CSMD1: variants seen among roughly 807,000 people sequenced by gnomAD.
CSMD1 encodes the protein CUB and Sushi multiple domains 1.
In CSMD1, 213 loss-of-function variants were observed where a neutral mutation model predicts 417.5. The ratio of observed to expected loss-of-function variants is 0.51; its 90% CI spans 0.46 to 0.57. CSMD1 has a LOEUF of 0.57. CSMD1 is among the 20% of genes least tolerant of loss of function. The probability of loss-of-function intolerance (pLI) is 0.00; values close to 1 mark genes in which losing one functional copy is unlikely to be tolerated. For synonymous variants in CSMD1, 2,862 were observed against 1,736.8 expected (o/e 1.65, Z -16.11); for missense variants, 6,923 against 4,529.7 (o/e 1.53, Z -15.17).
chr8:4,414,117 A>C (rs1796798736), intron 3 of CSMD1, among the ~76,000 whole-genome samples: 1 of 152,194 alleles, frequency 6.6e-6, no homozygotes, highest in South Asian at 2.1e-4. Flanking sequence ...TATCACTTCA[A>C]GGGAGAAATA....
intron 3 of CSMD1, among the ~76,000 whole-genome samples, chr8:4,407,467 C>G (rs565646431): frequency 6.6e-6 from 1 of 152,104 alleles, no homozygotes; most frequent in Non-Finnish European, 1.5e-5. Flanking sequence ...TGTTGTAAAA[C>G]GTAATTTTGT....
intron 1 of CSMD1, among the ~76,000 whole-genome samples, chr8:4,761,235 T>C (rs938424777): frequency 8.5e-5 from 13 of 152,136 alleles, no homozygotes; most frequent in African/African-American, 2.9e-4. Context: ...CAGGAGACTA[T>C]GGAACATTCA....
intron 64 of CSMD1, 148 bp downstream of exon 64, chr8:2,955,441 C>A: frequency 1.5e-6 from 1 of 661,864 alleles, no homozygotes; most frequent in Non-Finnish European, 2.6e-6. Flanking sequence ...ACACAGCTCA[C>A]GCACATGAAG....
chr8:3,496,360 G>A (rs762074017), intron 10 of CSMD1, among the ~76,000 whole-genome samples: 9 of 152,088 alleles, frequency 5.9e-5, no homozygotes, highest in Non-Finnish European at 8.8e-5. Context: ...AAGGATTGAG[G>A]GCAGACACCA....
chr8:4,320,669 C>G (rs1217364890), intron 3 of CSMD1, among the ~76,000 whole-genome samples: 1 of 152,090 alleles, frequency 6.6e-6, no homozygotes, highest in Non-Finnish European at 1.5e-5. Context: ...TCATCGATGT[C>G]CTGCAAAGGA....
chr8:3,698,160 C>T (rs1800659876), intron 7 of CSMD1, among the ~76,000 whole-genome samples: 1 of 152,182 alleles, frequency 6.6e-6, no homozygotes. Context: ...ATCTAGACAG[C>T]AGTCCCCTTC....
chr8:4,955,867 C>G (rs942609031), intron 1 of CSMD1, among the ~76,000 whole-genome samples: 1 of 147,062 alleles, frequency 6.8e-6, no homozygotes, highest in South Asian at 2.2e-4. Flanking sequence ...AGTATCTTTC[C>G]CCTCTAGAAA....
At chr8:3,716,931 C>T (rs1167257195) in intron 6 of CSMD1, among the ~76,000 whole-genome samples, 1 of 151,920 alleles carries the variant, frequency 6.6e-6, no homozygotes, top group African/African-American at 2.4e-5. Context: ...TATTTAATTC[C>T]ACCAAAATGT....
intron 1 of CSMD1, among the ~76,000 whole-genome samples, chr8:4,712,641 T>C (rs1473332946): frequency 6.6e-6 from 1 of 152,240 alleles, no homozygotes; most frequent in Non-Finnish European, 1.5e-5. Flanking sequence ...ATTTGCAGCA[T>C]CTTTTTCCTC....
chr8:4,107,589 T>G (rs117955263), intron 3 of CSMD1, among the ~76,000 whole-genome samples: 2 of 152,286 alleles, frequency 1.3e-5, no homozygotes, highest in East Asian at 3.9e-4. Flanking sequence ...AGCAAGCGCT[T>G]TGTGAATAGC....
intron 3 of CSMD1, among the ~76,000 whole-genome samples, chr8:4,227,598 G>C (rs1024194016): frequency 6.6e-6 from 1 of 151,986 alleles, no homozygotes; most frequent in African/African-American, 2.4e-5. Flanking sequence ...CCCGACCTCA[G>C]GATTCCCTGC....
chr8:4,396,948 G>C (rs929560944), intron 3 of CSMD1, among the ~76,000 whole-genome samples: 4 of 151,994 alleles, frequency 2.6e-5, no homozygotes, highest in Admixed American at 6.6e-5. Flanking sequence ...CCTGGGTGAT[G>C]AGTGCACCAA....
intron 1 of CSMD1, among the ~76,000 whole-genome samples, chr8:4,716,817 C>T (rs10503271): frequency 0.046 from 6,979 of 152,180 alleles, 154 homozygotes; most frequent in East Asian, 0.08. Flanking sequence ...CATTTTCAAA[C>T]ATCTCTTAGC....
At chr8:4,385,805 C>T (rs4442167) in intron 3 of CSMD1, among the ~76,000 whole-genome samples, 25,263 of 152,080 alleles carry the variant, frequency 0.17, 2,299 homozygotes, top group Admixed American at 0.24. Context: ...GTTAATGTCT[C>T]ATAGCTTAAA....
chr8:4,511,640 C>T (rs961344053), intron 2 of CSMD1, among the ~76,000 whole-genome samples: 1 of 152,016 alleles, frequency 6.6e-6, no homozygotes, highest in Non-Finnish European at 1.5e-5. Flanking sequence ...GTGATGGTAC[C>T]AGGGCAGAAA....
intron 7 of CSMD1, among the ~76,000 whole-genome samples, chr8:3,667,490 G>C (rs571215593): frequency 6.6e-6 from 1 of 152,182 alleles, no homozygotes; most frequent in African/African-American, 2.4e-5. Context: ...TGCAGGGCCA[G>C]GGTGGCTGGA....
At chr8:3,861,558 AT>A (rs1239448168) in intron 5 of CSMD1, among the ~76,000 whole-genome samples, 1 of 152,256 alleles carries the variant, frequency 6.6e-6, no homozygotes, top group Non-Finnish European at 1.5e-5. Context: ...CCACGTGAGC[AT>A]TACTTGGGAA....
intron 5 of CSMD1, among the ~76,000 whole-genome samples, chr8:3,785,770 G>A (rs910137209): frequency 6.6e-6 from 1 of 152,110 alleles, no homozygotes; most frequent in African/African-American, 2.4e-5. Context: ...GGTGCCCCAG[G>A]AACCTGGAAG....
At chr8:3,033,586 C>G (rs1196126020) in intron 50 of CSMD1, among the ~76,000 whole-genome samples, 2 of 151,892 alleles carry the variant, frequency 1.3e-5, no homozygotes, top group African/African-American at 4.8e-5. Flanking sequence ...ACATCACACA[C>G]CAGGGCCTGT....
Sources: allele counts gnomAD v4.1 joint callset (sites outside exome capture counted in the v4.1 genomes callset), GRCh38; gene constraint gnomAD v4.1.1; transcripts MANE v1.5; gene names NCBI Gene and HGNC (gene_info 2026-07-23, HGNC 2026-07-21).